TSPAN9: variants seen among roughly 807,000 people sequenced by gnomAD.
TSPAN9 encodes tetraspanin-9.
Under a neutral mutation model 31.0 loss-of-function variants are expected in TSPAN9, and 16 were observed. The observed-to-expected ratio is 0.52, with a 90% CI of 0.35 to 0.78. TSPAN9 has a LOEUF of 0.78. Among genes scored for constraint, TSPAN9 ranks in the 30% least tolerant of loss-of-function variants. The pLI is 0.01. For missense variants in TSPAN9, 272 were observed against 312.5 expected (o/e 0.87, Z 0.98); for synonymous variants, 145 against 121.6 (o/e 1.19, Z -1.27).
At chr12:3,083,132 C>T (rs369323107) in intron 1 of TSPAN9, among the ~76,000 whole-genome samples, 1 of 152,182 alleles carries the variant, frequency 6.6e-6, no homozygotes, top group Non-Finnish European at 1.5e-5. Flanking sequence ...CATTTTCCAC[C>T]AAGTTTTTAT....
rs1292247617 is a variant in TSPAN9, at chr12:3,143,274, TAATA to T, written c.-17-57901_-17-57898del. ...TATTTATAGTTATATTAATCATAAT[TAATA>T]ATATTTATAATTATATTAATTATAA... On this transcript the variant is annotated intron_variant, in intron 2 of 8. Coordinates refer to ENST00000011898, the MANE Select transcript of TSPAN9 (RefSeq NM_006675.5). This position sits in a 1 kb window ranked among gnomAD's most constrained non-coding sequence, Gnocchi z 4.2. Among the ~76,000 whole-genome samples the T allele has an allele frequency of 8.8e-5, 13 of 148,390 alleles. No individual in the cohort carries two copies. Among genetic ancestry groups the T allele is most frequent in the Admixed American group, 5.4e-4 (8 of 14,820 alleles).
chr12:3,161,055 TACTAAA>T (rs2098344886), intron 2 of TSPAN9, among the ~76,000 whole-genome samples: 1 of 152,154 alleles, frequency 6.6e-6, no homozygotes, highest in African/African-American at 2.4e-5. Flanking sequence ...ACCCTGTCTC[TACTAAA>T]AATACAAAAT....
At position 3,259,730 on chromosome 12, in the gene TSPAN9, A is replaced by T. The variant is rs1176523919; in HGVS notation, c.64-18691A>T. 2.6e-5 allele frequency among the ~76,000 whole-genome samples: 4 copies of T among 152,226 alleles called. No homozygotes were observed. In the East Asian group the frequency reaches 7.7e-4, roughly 29 times the overall value. On this transcript the variant is annotated intron_variant, in intron 3 of 8. Transcript: ENST00000011898. ...GCCTCGGACCCAGCAGAGGCCTGTG[A>T]GTGGGAACCCAGCACGGGGGTGGCG...
At chr12:3,272,066 A>G in intron 3 of TSPAN9, among the ~76,000 whole-genome samples, 1 of 152,180 alleles carries the variant, frequency 6.6e-6, no homozygotes, top group East Asian at 1.9e-4. Context: ...AACATTAGGG[A>G]GCACTCAGTC....
intron 2 of TSPAN9, among the ~76,000 whole-genome samples, chr12:3,119,993 G>A (rs997712417): frequency 1.3e-5 from 2 of 152,186 alleles, no homozygotes; most frequent in Non-Finnish European, 2.9e-5. Context: ...TCTCTGTAGC[G>A]CAAGGAGTTC....
At chr12:3,248,022 C>G (rs1862173229) in intron 3 of TSPAN9, among the ~76,000 whole-genome samples, 1 of 152,238 alleles carries the variant, frequency 6.6e-6, no homozygotes, top group African/African-American at 2.4e-5. Context: ...GACAGACTGA[C>G]TGTCTGCTTG....
intron 3 of TSPAN9, among the ~76,000 whole-genome samples, chr12:3,205,621 AAGGGTCCCAGC>A (rs1024127895): frequency 5.3e-5 from 8 of 152,076 alleles, no homozygotes; most frequent in Non-Finnish European, 1.0e-4. Flanking sequence ...GAGTGGGCTC[AAGGGTCCCAGC>A]AGGGAGCTTG....
intron 3 of TSPAN9, among the ~76,000 whole-genome samples, chr12:3,216,771 G>A (rs1013901460): frequency 6.6e-6 from 1 of 152,210 alleles, no homozygotes. Context: ...TCCCAAAAAC[G>A]TCCACGTGGG....
intron 2 of TSPAN9, 126 bp from the exon 3 acceptor site, chr12:3,201,051 A>G: frequency 1.2e-6 from 1 of 850,200 alleles, no homozygotes; most frequent in Non-Finnish European, 1.9e-6. Context: ...GGCGCCTTCT[A>G]CGGCACCGCG....
At position 3,170,575 on chromosome 12, in the gene TSPAN9, C is replaced by G. The variant is rs2098351210; in HGVS notation, c.-17-30602C>G. Among the ~76,000 whole-genome samples the G allele has an allele frequency of 6.6e-6, 1 of 151,272 alleles. No individual in the cohort carries two copies. The highest frequency in any genetic ancestry group is 2.4e-5 in the African/African-American group (1 of 41,060). ...TGTGCGTGGCGTAGATAAGAGATCA[C>G]TGAGTCAGTTCTGTGTGGGGGGGTC... On this transcript the variant is annotated intron_variant, in intron 2 of 8. Coordinates refer to ENST00000011898, the MANE Select transcript of TSPAN9 (RefSeq NM_006675.5). This position sits in a 1 kb window ranked among gnomAD's most constrained non-coding sequence, Gnocchi z 4.4.
chr12:3,111,872 A>G (rs866785331), intron 2 of TSPAN9, among the ~76,000 whole-genome samples: 3 of 152,216 alleles, frequency 2.0e-5, no homozygotes, highest in Middle Eastern at 6.8e-3. Flanking sequence ...TTGGCCTCCC[A>G]AGGTGCTGGG....
Position 3,278,611 on chromosome 12 carries a change from G to T in TSPAN9, c.254G>T (p.Ser85Ile), listed in dbSNP as rs1300882622. 1 of 1,613,308 alleles carries T rather than the reference G, an allele frequency of 6.2e-7. No individual in the cohort carries two copies. Among genetic ancestry groups the T allele is most frequent in the Non-Finnish European group, 8.5e-7 (1 of 1,179,588 alleles). The change falls in exon 4 of 9, where the codon AGC becomes ATC. Residue 85 changes from serine to isoleucine, a missense_variant and splice_region_variant. Transcript: ENST00000011898. ...AAGGAAAACAAGTGCCTCCTCCTCA[G>T]CGTAAGTTCTGTCCAAATCCCCAGC... ...AIKENKCLLL[S>I]FFIVLLVILL... is the part of the protein sequence containing the mutation.
At position 3,211,798 on chromosome 12, in the gene TSPAN9, G is replaced by A. The variant is rs1023202132; in HGVS notation, c.63+10542G>A. ...GGCTAAAGACCGTGGTGATTTTATA[G>A]CATCCTGGGCATTTCACATCCATGA... On this transcript the variant is annotated intron_variant, in intron 3 of 8. Coordinates refer to ENST00000011898, the MANE Select transcript of TSPAN9 (RefSeq NM_006675.5). 18 of 1,595,630 alleles carry A rather than the reference G, an allele frequency of 1.1e-5. No individual in the cohort carries two copies. In the African/African-American group the frequency reaches 1.7e-4, roughly 15 times the overall value.
chr12:3,126,118 T>C (rs2098327256), intron 2 of TSPAN9, among the ~76,000 whole-genome samples: 1 of 152,190 alleles, frequency 6.6e-6, no homozygotes, highest in African/African-American at 2.4e-5. Flanking sequence ...TCTCTTAACC[T>C]TTTGCAGCTT....
chr12:3,276,360 C>G (rs577049289), intron 3 of TSPAN9, among the ~76,000 whole-genome samples: 1 of 152,220 alleles, frequency 6.6e-6, no homozygotes, highest in African/African-American at 2.4e-5. Context: ...CCTTTACCTG[C>G]GAGGTCCCAG....
intron 1 of TSPAN9, among the ~76,000 whole-genome samples, chr12:3,077,811 A>G (rs900497780): frequency 1.3e-4 from 20 of 152,150 alleles, no homozygotes; most frequent in African/African-American, 3.9e-4. Flanking sequence ...CGCTTGGGAC[A>G]GTCCATACAA....
intron 2 of TSPAN9, among the ~76,000 whole-genome samples, chr12:3,140,469 T>C (rs923371017): frequency 2.0e-5 from 3 of 152,130 alleles, no homozygotes; most frequent in African/African-American, 7.2e-5. Flanking sequence ...AGCCTGGCAC[T>C]GGCCACGGAT....
rs201465269 is a variant in TSPAN9, at chr12:3,127,355, GA to G, written c.-18+43641del. Among the ~76,000 whole-genome samples the G allele has an allele frequency of 1.4e-3, 213 of 149,682 alleles. 2 individuals are homozygous for G. The highest frequency in any genetic ancestry group is 3.4e-3 in the Middle Eastern group (1 of 292). ...TGAGGCCGTTTTACTTAACTTTAAA[GA>G]AAAATTTTTTTTTTTTTGAGACGGA... is the stretch of plus-strand genomic sequence containing the variant. On this transcript the variant is annotated intron_variant, in intron 2 of 8. Coordinates refer to ENST00000011898, the MANE Select transcript of TSPAN9 (RefSeq NM_006675.5).
rs1315039865 is a variant in TSPAN9, at chr12:3,214,866, A to AGAGC, written c.63+13612_63+13615dup. On this transcript the variant is annotated intron_variant, in intron 3 of 8. Transcript: ENST00000011898. Reference sequence around the variant, plus strand: ...CTCCCTCCAGCGATCGTCATTAGGAAGAGCGTTCTTGTTTCTTCCTCCTTC... The same window carrying AGAGC: ...CTCCCTCCAGCGATCGTCATTAGGAAGAGCGAGCGTTCTTGTTTCTTCCTCCTTC... Among the ~76,000 whole-genome samples the AGAGC allele has an allele frequency of 2.6e-5, 4 of 152,036 alleles. 1 individual carries two copies. The highest frequency in any genetic ancestry group is 4.8e-5 in the African/African-American group (2 of 41,394).
Sources: gnomAD v4.1 joint callset for allele counts (sites outside exome capture counted in the v4.1 genomes callset) on GRCh38, gnomAD v4.1.1 for gene constraint, Gnocchi (gnomAD v3.1) non-coding constraint, MANE v1.5 for transcripts, NCBI Gene and HGNC (gene_info 2026-07-23, HGNC 2026-07-21) for gene names.